The following CEP290 variants were observed in gnomAD, a reference collection of about 807,000 sequenced individuals.
The protein encoded by CEP290 is centrosomal protein 290.
Under a neutral mutation model 344.9 loss-of-function variants are expected in CEP290, and 317 were observed. The observed-to-expected ratio is 0.92, with a 90% confidence interval of 0.84 to 1.01. The LOEUF is 1.01. Ranked by LOEUF, CEP290 falls within the 50% of genes least tolerant of loss-of-function variation. The pLI is 0.00. For synonymous variants in CEP290, 932 were observed against 895.8 expected (o/e 1.04, Z -0.72); for missense variants, 2,754 against 2,761.4 (o/e 1.00, Z 0.06).
rs535044252 is a variant in CEP290, at chr12:88,103,741, G to GT, written c.2818-731dup. The GT allele has an allele frequency of 3.4e-4, 51 of 151,484 alleles. No homozygotes were observed. The East Asian group carries it at 9.7e-3, about 29-fold the overall frequency. The allele number at this position is 151,484 out of a possible 1,614,324, so 9.4% of individuals were successfully genotyped here. The stretch of plus-strand genomic sequence containing the variant: ...AATAATCAAATTTATGAATGAGGAA[G>GT]TAAAAAAACTTACGGTTGTAATTCA... On this transcript the variant is annotated intron_variant, in intron 25 of 53. Coordinates refer to ENST00000552810, the MANE Select transcript of CEP290 (RefSeq NM_025114.4).
rs2137782192 is a variant in CEP290 at position 88,114,509 on chromosome 12, A to G, written c.1963T>C (p.Leu655=). ...KQLEEGMKEI[L]QAIKEMQKDP... The stretch of plus-strand genomic sequence containing the variant: ...TTCTGCATTTCCTTAATTGCTTGCA[A>G]TATTTCTTTCATACCTTCTTCAAGT... The change falls in exon 20 of 54, where the codon TTG becomes CTG. Residue 655 remains leucine, a synonymous_variant. Coordinates refer to ENST00000552810, the MANE Select transcript of CEP290 (RefSeq NM_025114.4). 1 of 1,545,122 alleles carries G rather than the reference A, an allele frequency of 6.5e-7. No homozygotes were observed. The highest frequency in any genetic ancestry group is 8.7e-7 in the Non-Finnish European group (1 of 1,143,908).
chr12:88,079,883 A>G (rs1316450586), intron 38 of CEP290, among the ~76,000 whole-genome samples: 1 of 152,112 alleles, frequency 6.6e-6, no homozygotes, highest in African/African-American at 2.4e-5. Context: ...AGTAGAAAAA[A>G]AGAAAATACA....
intron 43 of CEP290, among the ~76,000 whole-genome samples, chr12:88,069,676 A>G (rs2035216214): frequency 2.6e-5 from 4 of 152,208 alleles, no homozygotes; most frequent in African/African-American, 9.6e-5. Context: ...TTAGAAGCTC[A>G]TGAGAGTGTT....
At chr12:88,140,696 T>C (rs915235716) in intron 3 of CEP290, among the ~76,000 whole-genome samples, 2 of 152,194 alleles carry the variant, frequency 1.3e-5, no homozygotes, top group African/African-American at 4.8e-5. Flanking sequence ...CATTTGTCAT[T>C]TGGACCTCAA....
intron 41 of CEP290, among the ~76,000 whole-genome samples, chr12:88,073,225 G>C (rs2035515564): frequency 6.6e-6 from 1 of 152,146 alleles, no homozygotes; most frequent in African/African-American, 2.4e-5. Context: ...TAAAAGGTAA[G>C]ATTATAGACA....
intron 20 of CEP290, 121 bp from the exon 21 acceptor site, chr12:88,111,979 GATA>G: frequency 1.6e-6 from 1 of 633,056 alleles, no homozygotes; most frequent in Non-Finnish European, 2.5e-6. Flanking sequence ...TGCCAAGCAT[GATA>G]ATAAAGTATG....
rs2137276523 is a variant in CEP290 at position 88,089,317 on chromosome 12, A to G, written c.3744T>C (p.Ala1248=). The part of the protein sequence containing the change: ...LEQKLDEKEQ[A]LYYARLEGRN... ...TTCCCTCCAAACGAGCATAATAGAG[A>G]GCCTGTTCTTTTTCATCAAGTTTCT... Residue 1248 remains alanine, a synonymous_variant, in exon 31 of 54, where the codon GCT becomes GCC. Coordinates refer to ENST00000552810, the MANE Select transcript of CEP290 (RefSeq NM_025114.4). 3 of 1,613,942 alleles carry G rather than the reference A, an allele frequency of 1.9e-6. No individual in the cohort carries two copies. The highest frequency in any genetic ancestry group is 2.5e-6 in the Non-Finnish European group (3 of 1,179,888).
At chr12:88,119,656 G>A (rs564257343) in intron 15 of CEP290, among the ~76,000 whole-genome samples, 26 of 152,076 alleles carry the variant, frequency 1.7e-4, no homozygotes, top group African/African-American at 5.5e-4. Flanking sequence ...AAAATTAGCC[G>A]GGCATAGTGG....
chr12:88,061,984 G>A (rs537540900), intron 46 of CEP290, among the ~76,000 whole-genome samples: 6 of 152,104 alleles, frequency 3.9e-5, no homozygotes, highest in South Asian at 2.1e-4. Context: ...TCACCATGTC[G>A]GCCAGGCTGG....
At position 88,068,616 on chromosome 12, in the gene CEP290, A is replaced by G; in HGVS notation, c.6041T>C (p.Val2014Ala). The G allele has an allele frequency of 1.9e-6, 3 of 1,595,008 alleles. No homozygotes were observed. The highest frequency in any genetic ancestry group is 2.6e-6 in the Non-Finnish European group (3 of 1,173,872). ...RAHQALPRDS[V>A]VEDLHLQNRY... ...ATTTTGTAAATGTAAATCTTCTACAACAGAATCTCGAGGAAGAGCTTGGTG... is the reference window on the plus strand; with the variant it reads ...ATTTTGTAAATGTAAATCTTCTACAGCAGAATCTCGAGGAAGAGCTTGGTG... Residue 2014 changes from valine (V) to alanine (A), a missense_variant, in exon 44 of 54, where the codon GTT becomes GCT. Coordinates refer to ENST00000552810, the MANE Select transcript of CEP290 (RefSeq NM_025114.4).
Position 88,058,992 on chromosome 12 carries a change from A to G in CEP290, c.6674T>C (p.Ile2225Thr), listed in dbSNP as rs1304892718. 3.7e-6 allele frequency: 6 copies of G among 1,612,006 alleles called. No individual in the cohort carries two copies. Among genetic ancestry groups the G allele is most frequent in the Non-Finnish European group, 5.1e-6 (6 of 1,179,284 alleles). The part of the protein sequence containing the change: ...KETDAAEKLR[I>T]AKNNLEILNE... Reference sequence around the variant, plus strand: ...TAATATCTCTAAATTATTCTTTGCTATCCGTAATTTCTCTGCAGCATCAGT... The same window carrying G: ...TAATATCTCTAAATTATTCTTTGCTGTCCGTAATTTCTCTGCAGCATCAGT... The change falls in exon 49 of 54, where the codon ATA (isoleucine) becomes ACA (threonine). Residue 2225 changes from isoleucine (I) to threonine (T), a missense_variant. Transcript: ENST00000552810.
chr12:88,072,295 AC>A (rs2035438606), intron 41 of CEP290, among the ~76,000 whole-genome samples: 1 of 15,590 alleles, frequency 6.4e-5, no homozygotes, highest in Non-Finnish European at 2.2e-3. Flanking sequence ...CAAAGTTTTG[AC>A]TGTGTTTTGA....
At chr12:88,125,528 C>A (rs1362598626) in intron 12 of CEP290, among the ~76,000 whole-genome samples, 159 bp from the exon 13 acceptor site, 1 of 151,910 alleles carries the variant, frequency 6.6e-6, no homozygotes, top group African/African-American at 2.4e-5. Flanking sequence ...AACTGTAATA[C>A]ACAATGATAG....
chr12:88,066,569 T>C (rs1002051311), intron 44 of CEP290, among the ~76,000 whole-genome samples: 2 of 151,768 alleles, frequency 1.3e-5, no homozygotes, highest in African/African-American at 2.4e-5. Context: ...CCCAAAGTGC[T>C]GGGATTGCAG....
intron 49 of CEP290, among the ~76,000 whole-genome samples, chr12:88,056,970 G>C (rs1236038396): frequency 6.6e-6 from 1 of 152,050 alleles, no homozygotes; most frequent in African/African-American, 2.4e-5. Context: ...TTTCTACTTA[G>C]ACTTATGTCT....
chr12:88,128,926 T>C lies in CEP290; in HGVS notation c.942+20A>G, dbSNP rs1409061084. The C allele has an allele frequency of 2.8e-6, 4 of 1,421,644 alleles. No individual in the cohort carries two copies. Among genetic ancestry groups the C allele is most frequent in the Non-Finnish European group, 3.7e-6 (4 of 1,067,630 alleles). 88.1% of individuals were successfully genotyped at this position (1,421,644 alleles called of 1,614,324 possible). A position where few individuals can be genotyped will look rare whatever the true frequency, so the allele number is the denominator to read the frequency against. On this transcript the variant is annotated intron_variant, in intron 11 of 53. Transcript: ENST00000552810. ...AAAATACAAAAAGAAAAAGTTATTA[T>C]GTCAATTGAAAAAAAATACCTTCCA... is the stretch of plus-strand genomic sequence containing the variant.
chr12:88,130,629 T>C (rs1462904492), intron 7 of CEP290, 64 bp from the exon 8 acceptor site: 2 of 1,422,422 alleles, frequency 1.4e-6, no homozygotes, highest in South Asian at 1.5e-5. Context: ...TTAAAAATAA[T>C]AATCAGAAAC....
chr12:88,064,847 T>C (rs1381647322), intron 44 of CEP290, among the ~76,000 whole-genome samples: 1 of 152,152 alleles, frequency 6.6e-6, no homozygotes, highest in Non-Finnish European at 1.5e-5. Context: ...AAATCTGTAG[T>C]AGTCTGTTAC....
At position 88,049,291 on chromosome 12, in the gene CEP290, CCTTCT is replaced by C. The variant is rs747138345; in HGVS notation, c.7328_7332del (p.Glu2443GlyfsTer11). The C allele has an allele frequency of 6.2e-6, 10 of 1,605,522 alleles. No homozygotes were observed. Among genetic ancestry groups the C allele is most frequent in the Middle Eastern group, 1.9e-4 (1 of 5,270 alleles). On this transcript the variant is annotated frameshift_variant, in exon 54 of 54. Coordinates refer to ENST00000552810, the MANE Select transcript of CEP290 (RefSeq NM_025114.4). LOFTEE classifies it high-confidence loss of function. ...CCCAATTGTTCTGAAAGTTTTTTTACCTTCTCTTCTAAGAGAATATTCTTCTTCAC... is the reference window on the plus strand; with the variant it reads ...CCCAATTGTTCTGAAAGTTTTTTTACCTTCTAAGAGAATATTCTTCTTCAC...
Sources: gnomAD v4.1 joint callset for allele counts (sites outside exome capture counted in the v4.1 genomes callset) on GRCh38, gnomAD v4.1.1 for gene constraint, MANE v1.5 for transcripts, NCBI Gene and HGNC (gene_info 2026-07-23, HGNC 2026-07-21) for gene names.